Variants in TMEM182 observed in about 807,000 individuals in gnomAD.
TMEM182 encodes the protein transmembrane protein 182.
Under a neutral mutation model 26.8 loss-of-function variants are expected in TMEM182, and 20 were observed. The ratio of observed to expected loss-of-function variants is 0.75; its 90% CI spans 0.53 to 1.09. The LOEUF (loss-of-function observed/expected upper bound fraction) is 1.09. TMEM182 is among the 50% of genes least tolerant of loss of function. The probability of loss-of-function intolerance (pLI) is 0.00; values close to 1 mark genes in which losing one functional copy is unlikely to be tolerated. For missense variants in TMEM182, 277 were observed against 275.5 expected (o/e 1.01, Z -0.04); for synonymous variants, 109 against 102.2 (o/e 1.07, Z -0.40).
At chr2:102,767,736 A>G (rs1573508791) in intron 3 of TMEM182, among the ~76,000 whole-genome samples, 1 of 152,224 alleles carries the variant, frequency 6.6e-6, no homozygotes, top group East Asian at 1.9e-4. Context: ...ATTTTCTGCA[A>G]TAAACTAGTT....
In TMEM182 at chr2:102,816,476, T is replaced by G; in HGVS notation, c.*1508T>G. The G allele has an allele frequency of 1.0e-6, 1 of 984,442 alleles. No homozygotes were observed. The highest frequency in any genetic ancestry group is 1.1e-4 in the East Asian group (1 of 8,774). 61.0% of individuals were successfully genotyped at this position (984,442 alleles called of 1,614,324 possible). On this transcript the variant is annotated 3_prime_UTR_variant, in exon 5 of 5. Coordinates refer to ENST00000412401, the MANE Select transcript of TMEM182 (RefSeq NM_144632.5). ...GAGCTTTGGAAAAATTGCAAAGGTCTGAATCTTCAGGGCATTTTCATGACA... is the reference window on the plus strand; with the variant it reads ...GAGCTTTGGAAAAATTGCAAAGGTCGGAATCTTCAGGGCATTTTCATGACA...
intron 3 of TMEM182, among the ~76,000 whole-genome samples, chr2:102,831,488 G>A (rs1215015190): frequency 6.6e-6 from 1 of 152,194 alleles, no homozygotes; most frequent in Non-Finnish European, 1.5e-5. Context: ...CAGGCATGGT[G>A]GTTCATGCCT....
At chr2:102,747,983 A>G (rs1679763263) in intron 1 of TMEM182, among the ~76,000 whole-genome samples, 1 of 152,126 alleles carries the variant, frequency 6.6e-6, no homozygotes, top group Non-Finnish European at 1.5e-5. Flanking sequence ...TGCTCATGTA[A>G]CACTACGAAG....
At chr2:102,819,757 C>T (rs548487745), downstream of TMEM182, among the ~76,000 whole-genome samples, 197 of 152,300 alleles carry the variant, frequency 1.3e-3, 1 homozygote, top group African/African-American at 4.6e-3. Context: ...CTGTCTCAGG[C>T]ATTCCCAAAC....
intron 1 of TMEM182, among the ~76,000 whole-genome samples, chr2:102,751,606 G>A (rs867237485): frequency 2.0e-5 from 3 of 152,102 alleles, no homozygotes; most frequent in Non-Finnish European, 4.4e-5. Context: ...TCATTAAAAG[G>A]AAAACCTTAC....
intron 4 of TMEM182, among the ~76,000 whole-genome samples, chr2:102,806,394 T>C (rs1682348465): frequency 6.6e-6 from 1 of 152,188 alleles, no homozygotes; most frequent in African/African-American, 2.4e-5. Context: ...ATTCACCTTC[T>C]GTTCTTGGCA....
At chr2:102,762,374 A>G (rs998521849) in intron 1 of TMEM182, 25 bp downstream of exon 1, 1 of 1,613,476 alleles carries the variant, frequency 6.2e-7, no homozygotes, top group Non-Finnish European at 8.5e-7. Context: ...CAAAATAGTG[A>G]TGCACATGGT....
intron 4 of TMEM182, among the ~76,000 whole-genome samples, chr2:102,798,339 G>C (rs1249975583): frequency 6.6e-6 from 1 of 152,152 alleles, no homozygotes; most frequent in Non-Finnish European, 1.5e-5. Flanking sequence ...GTGTGTAAGA[G>C]ACTGTTAACC....
At chr2:102,785,809 A>T (rs1681364942) in intron 3 of TMEM182, among the ~76,000 whole-genome samples, 1 of 152,188 alleles carries the variant, frequency 6.6e-6, no homozygotes, top group Admixed American at 6.5e-5. Flanking sequence ...TGGATGTTAG[A>T]TGTTTATGAG....
chr2:102,830,957 A>T (rs555031962), intron 3 of TMEM182, among the ~76,000 whole-genome samples: 23 of 152,242 alleles, frequency 1.5e-4, no homozygotes, highest in East Asian at 1.2e-3. Context: ...AGAACACGTG[A>T]TGTTTGTCTT....
At chr2:102,768,646 A>G (rs1196496838) in intron 3 of TMEM182, among the ~76,000 whole-genome samples, 2 of 152,016 alleles carry the variant, frequency 1.3e-5, no homozygotes, top group African/African-American at 4.8e-5. Context: ...GGTTGCGATG[A>G]GCTGAGATCA....
intron 3 of TMEM182, among the ~76,000 whole-genome samples, chr2:102,783,195 C>A (rs1264818181): frequency 6.6e-6 from 1 of 152,010 alleles, no homozygotes; most frequent in African/African-American, 2.4e-5. Flanking sequence ...AAAATGAAAC[C>A]CCCTCCTAAA....
chr2:102,787,412 A>T (rs1039196780), intron 3 of TMEM182, among the ~76,000 whole-genome samples: 2 of 152,162 alleles, frequency 1.3e-5, no homozygotes, highest in Non-Finnish European at 2.9e-5. Context: ...AAAGTCACTA[A>T]TCCCATCATG....
rs550395325 is a variant in TMEM182 at position 102,824,310 on chromosome 2, G to A, written c.326-19102G>A. 6.6e-5 allele frequency among the ~76,000 whole-genome samples: 10 copies of A among 152,286 alleles called. No homozygotes were observed. The South Asian group carries it at 2.1e-3, about 32-fold the overall frequency. On this transcript the variant is annotated intron_variant, in intron 3 of 3. Transcript: ENST00000486293. ...CCTGTCCTCAGTGATTGTTTGTGGA[G>A]AGCAACATTTTGACATGGTTTGGAT...
intron 3 of TMEM182, among the ~76,000 whole-genome samples, chr2:102,843,034 A>G (rs1683383827): frequency 6.6e-6 from 1 of 152,182 alleles, no homozygotes; most frequent in Non-Finnish European, 1.5e-5. Context: ...AAATGGAGAG[A>G]TCCTGAGATC....
chr2:102,792,661 G>A (rs778702285), intron 3 of TMEM182, among the ~76,000 whole-genome samples: 1 of 152,170 alleles, frequency 6.6e-6, no homozygotes, highest in African/African-American at 2.4e-5. Flanking sequence ...TAATATGCTT[G>A]ATGTTATGCA....
chr2:102,833,895 G>T (rs1683195147), intron 3 of TMEM182, among the ~76,000 whole-genome samples: 1 of 152,124 alleles, frequency 6.6e-6, no homozygotes, highest in South Asian at 2.1e-4. Context: ...TGCATCAGAG[G>T]ACATAAAATA....
intron 3 of TMEM182, among the ~76,000 whole-genome samples, chr2:102,770,962 C>G (rs180890815): frequency 2.6e-5 from 4 of 152,266 alleles, no homozygotes; most frequent in Admixed American, 1.3e-4. Context: ...GGCACATCAA[C>G]CTGTTGTAGG....
chr2:102,786,932 G>C (rs1164927595), intron 3 of TMEM182, among the ~76,000 whole-genome samples: 1 of 152,180 alleles, frequency 6.6e-6, no homozygotes, highest in Non-Finnish European at 1.5e-5. Context: ...CATTCAGTTA[G>C]CGCTGACCTT....
Sources: allele counts gnomAD v4.1 joint callset (sites outside exome capture counted in the v4.1 genomes callset), GRCh38; gene constraint gnomAD v4.1.1; transcripts MANE v1.5; gene names NCBI Gene and HGNC (gene_info 2026-07-23, HGNC 2026-07-21).